EXOC6: variants seen among roughly 807,000 people sequenced by gnomAD.
EXOC6 encodes the protein exocyst complex component 6.
Under a neutral mutation model 112.5 loss-of-function variants are expected in EXOC6, and 60 were observed. The ratio of observed to expected loss-of-function variants is 0.53; its 90% CI spans 0.43 to 0.66. The LOEUF (loss-of-function observed/expected upper bound fraction) is 0.66, where lower values mean the gene tolerates loss of function less well. Ranked by LOEUF, EXOC6 falls within the 30% of genes least tolerant of loss-of-function variation. The pLI is 0.00. For synonymous variants in EXOC6, 295 were observed against 308.0 expected (o/e 0.96, Z 0.44); for missense variants, 855 against 957.1 (o/e 0.89, Z 1.41).
At chr10:92,835,317 T>A (rs1448232456) in intron 1 of EXOC6, among the ~76,000 whole-genome samples, 3 of 152,260 alleles carry the variant, frequency 2.0e-5, no homozygotes, top group Non-Finnish European at 4.4e-5. Flanking sequence ...TTTTTCTTTT[T>A]TAACATTTTC....
At chr10:92,963,944 A>G (rs1260701020) in intron 17 of EXOC6, among the ~76,000 whole-genome samples, 3 of 151,958 alleles carry the variant, frequency 2.0e-5, no homozygotes, top group South Asian at 2.1e-4. Context: ...TCAAATGGTA[A>G]TCTGTGATTT....
At chr10:92,945,300 A>G (rs993496888) in intron 13 of EXOC6, among the ~76,000 whole-genome samples, 4 of 152,308 alleles carry the variant, frequency 2.6e-5, no homozygotes, top group Non-Finnish European at 2.9e-5. Flanking sequence ...ATATATCAGC[A>G]AATATTTTCT....
chr10:92,945,024 C>T (rs947716118), intron 13 of EXOC6, among the ~76,000 whole-genome samples: 9 of 151,448 alleles, frequency 5.9e-5, no homozygotes, highest in African/African-American at 9.7e-5. Flanking sequence ...TGCCTGCTTC[C>T]GCCTCCCAAA....
At chr10:92,905,063 T>G (rs933519057) in intron 5 of EXOC6, among the ~76,000 whole-genome samples, 4 of 152,126 alleles carry the variant, frequency 2.6e-5, no homozygotes, top group African/African-American at 9.6e-5. Context: ...GAACGACTCT[T>G]TTTCCATTGA....
intron 8 of EXOC6, among the ~76,000 whole-genome samples, chr10:92,926,249 A>C (rs893988090): frequency 6.6e-6 from 1 of 152,048 alleles, no homozygotes; most frequent in Non-Finnish European, 1.5e-5. Flanking sequence ...ACTGATTATG[A>C]TAATTTCACT....
At chr10:92,901,294 C>G (rs1041002183) in intron 5 of EXOC6, 2 of 151,988 alleles carry the variant, frequency 1.3e-5, no homozygotes, top group Non-Finnish European at 2.9e-5. Context: ...TCATTCTTGC[C>G]TTAATCCGTT....
At chr10:92,941,936 A>G (rs1014796516) in intron 13 of EXOC6, among the ~76,000 whole-genome samples, 4 of 152,098 alleles carry the variant, frequency 2.6e-5, no homozygotes, top group Non-Finnish European at 5.9e-5. Flanking sequence ...AGAAAAAGTC[A>G]ATCTTGAGGT....
At chr10:92,894,280 A>C (rs920991249) in intron 2 of EXOC6, among the ~76,000 whole-genome samples, 15 of 152,162 alleles carry the variant, frequency 9.9e-5, no homozygotes, top group African/African-American at 3.6e-4. Context: ...GAGTCACTTA[A>C]TATGTGGGAA....
chr10:92,967,639 G>T (rs2134064275), intron 17 of EXOC6, among the ~76,000 whole-genome samples: 1 of 152,250 alleles, frequency 6.6e-6, no homozygotes, highest in South Asian at 2.1e-4. Flanking sequence ...TTAAAAGCTT[G>T]TTATGCATCT....
At chr10:92,845,638 G>C (rs1340963946), upstream of EXOC6, among the ~76,000 whole-genome samples, 2 of 151,582 alleles carry the variant, frequency 1.3e-5, no homozygotes, top group Non-Finnish European at 2.9e-5. Flanking sequence ...CTATGTCCAT[G>C]ATTAAAATGT....
chr10:92,928,415 C>T lies in EXOC6; in HGVS notation c.965C>T (p.Ser322Leu), dbSNP rs1589848643. The T allele has an allele frequency of 3.8e-6, 6 of 1,597,620 alleles. No homozygotes were observed. Among genetic ancestry groups the T allele is most frequent in the Non-Finnish European group, 5.1e-6 (6 of 1,167,330 alleles). ...GCAAGACTGGTATTGCAACCCCAGT[C>T]GAATATGGTAAGTATGCGATATTTT... ...KQARLVLQPQ[S>L]NMHETVDGYR... The change falls in exon 9 of 22, where the codon TCG becomes TTG. Residue 322 changes from serine (S) to leucine (L), a missense_variant. Physicochemically the swap from Ser to Leu is moderately radical, Grantham distance 145. Coordinates refer to ENST00000260762, the MANE Select transcript of EXOC6 (RefSeq NM_019053.6).
chr10:92,954,828 A>C, intron 16 of EXOC6, 87 bp downstream of exon 16: 2 of 632,842 alleles, frequency 3.2e-6, no homozygotes, highest in Non-Finnish European at 5.5e-6. Flanking sequence ...CTGTAAAACT[A>C]GCTTCCTGTT....
At chr10:92,946,878 C>T (rs143510053) in intron 13 of EXOC6, among the ~76,000 whole-genome samples, 11 of 152,294 alleles carry the variant, frequency 7.2e-5, no homozygotes, top group South Asian at 2.1e-4. Context: ...ATGTTCTTCA[C>T]GTACTCTGAT....
At chr10:92,962,681 C>T (rs1854076268) in intron 17 of EXOC6, among the ~76,000 whole-genome samples, 1 of 152,166 alleles carries the variant, frequency 6.6e-6, no homozygotes, top group Admixed American at 6.6e-5. Flanking sequence ...GTGTAAGCCG[C>T]TGTCAGGCCC....
chr10:93,022,486 A>T (rs769103718), intron 20 of EXOC6, among the ~76,000 whole-genome samples: 1 of 152,090 alleles, frequency 6.6e-6, no homozygotes, highest in Non-Finnish European at 1.5e-5. Context: ...CTTTTTTCTG[A>T]TTATTATTGT....
At chr10:92,843,189 C>G (rs552060103) in intron 1 of EXOC6, among the ~76,000 whole-genome samples, 1 of 152,158 alleles carries the variant, frequency 6.6e-6, no homozygotes, top group Non-Finnish European at 1.5e-5. Context: ...ATGGAACAGC[C>G]GATTCCTGCA....
At chr10:92,872,460 G>C (rs1848497596) in intron 1 of EXOC6, among the ~76,000 whole-genome samples, 1 of 151,896 alleles carries the variant, frequency 6.6e-6, no homozygotes. Context: ...AAAGTGTATG[G>C]TTTTTTATTA....
upstream of EXOC6, among the ~76,000 whole-genome samples, chr10:92,843,715 C>T (rs917090628): frequency 2.0e-5 from 3 of 152,070 alleles, no homozygotes; most frequent in Non-Finnish European, 4.4e-5. Context: ...AGTGGGCCGT[C>T]GCGGTGGCTC....
chr10:92,945,594 C>T (rs527862659), intron 13 of EXOC6, among the ~76,000 whole-genome samples: 1 of 152,200 alleles, frequency 6.6e-6, no homozygotes, highest in South Asian at 2.1e-4. Flanking sequence ...TATAAATGTG[C>T]CTTTCGTTAA....
Sources: gnomAD v4.1 joint callset for allele counts (sites outside exome capture counted in the v4.1 genomes callset) on GRCh38, gnomAD v4.1.1 for gene constraint, MANE v1.5 for transcripts, NCBI Gene and HGNC (gene_info 2026-07-23, HGNC 2026-07-21) for gene names.